The following CCSER1 variants were observed in gnomAD, a reference collection of about 807,000 sequenced individuals.
CCSER1 encodes the protein serine-rich coiled-coil domain-containing protein 1.
CCSER1 carries 41 observed loss-of-function variants against 82.0 expected under a neutral mutation model. The ratio of observed to expected loss-of-function variants is 0.50; its 90% CI spans 0.39 to 0.65. CCSER1 has a LOEUF of 0.65. CCSER1 is among the 30% of genes least tolerant of loss of function. The probability of loss-of-function intolerance (pLI) is 0.00; values close to 1 mark genes in which losing one functional copy is unlikely to be tolerated. For synonymous variants in CCSER1, 414 were observed against 383.9 expected (o/e 1.08, Z -0.92); for missense variants, 1,119 against 1,064.2 (o/e 1.05, Z -0.72).
At chr4:91,381,036 G>C (rs1750849261) in intron 10 of CCSER1, among the ~76,000 whole-genome samples, 1 of 152,098 alleles carries the variant, frequency 6.6e-6, no homozygotes, top group African/African-American at 2.4e-5. Flanking sequence ...GAAATTCTGA[G>C]TTGAAAATTC....
At chr4:90,724,726 C>G (rs1365535756) in intron 7 of CCSER1, 3 of 331,588 alleles carry the variant, frequency 9.0e-6, no homozygotes, top group African/African-American at 6.6e-5. Flanking sequence ...TACTTAAGTG[C>G]ACTGATTTCA....
chr4:90,533,917 A>G (rs1326676304), intron 5 of CCSER1, among the ~76,000 whole-genome samples: 1 of 152,240 alleles, frequency 6.6e-6, no homozygotes, highest in East Asian at 1.9e-4. Context: ...TCCAGATATC[A>G]TGTCAGGTGC....
At chr4:91,231,475 T>C (rs1738621374) in intron 10 of CCSER1, among the ~76,000 whole-genome samples, 1 of 151,778 alleles carries the variant, frequency 6.6e-6, no homozygotes, top group Non-Finnish European at 1.5e-5. Context: ...GGAATTAACA[T>C]GTTTGAGTAA....
intron 10 of CCSER1, among the ~76,000 whole-genome samples, chr4:91,476,903 CATA>C (rs1168903268): frequency 2.6e-5 from 4 of 151,508 alleles, no homozygotes; most frequent in Non-Finnish European, 4.4e-5. Context: ...TCAATTAATA[CATA>C]ATAAAATCAA....
chr4:91,165,439 G>C (rs564678925), intron 10 of CCSER1, among the ~76,000 whole-genome samples: 1 of 152,314 alleles, frequency 6.6e-6, no homozygotes, highest in Non-Finnish European at 1.5e-5. Context: ...ACACTGAGCT[G>C]GGTGAACTAC....
At chr4:91,010,280 G>C (rs1738902837) in intron 9 of CCSER1, among the ~76,000 whole-genome samples, 1 of 152,106 alleles carries the variant, frequency 6.6e-6, no homozygotes, top group African/African-American at 2.4e-5. Context: ...TCCACTGATA[G>C]TCTGATGGAG....
chr4:91,575,925 T>C (rs1440278717), intron 10 of CCSER1, among the ~76,000 whole-genome samples: 1 of 151,942 alleles, frequency 6.6e-6, no homozygotes, highest in African/African-American at 2.4e-5. Context: ...GTTCAGCCAT[T>C]ATGAAAAAAC....
intron 10 of CCSER1, among the ~76,000 whole-genome samples, chr4:91,539,761 C>A (rs956905807): frequency 3.3e-5 from 5 of 152,038 alleles, no homozygotes; most frequent in African/African-American, 1.2e-4. Flanking sequence ...CTATCACCAC[C>A]TACTTCTGTA....
chr4:90,325,727 T>C (rs1157819016), intron 3 of CCSER1: 3 of 386,400 alleles, frequency 7.8e-6, no homozygotes, highest in South Asian at 1.9e-5. Context: ...TTATTCATTT[T>C]AGACAATGAA....
intron 8 of CCSER1, among the ~76,000 whole-genome samples, chr4:90,869,287 C>G (rs1766129722): frequency 6.6e-6 from 1 of 151,896 alleles, no homozygotes; most frequent in African/African-American, 2.4e-5. Flanking sequence ...GACCAAAGTC[C>G]TAGAGAGTTT....
chr4:90,693,464 C>T (rs1485742730), intron 6 of CCSER1: 1 of 151,700 alleles, frequency 6.6e-6, no homozygotes, highest in Non-Finnish European at 1.5e-5. Flanking sequence ...TTTCATTCAG[C>T]AAAGGAAATT....
intron 5 of CCSER1, among the ~76,000 whole-genome samples, chr4:90,543,618 G>A (rs758726737): frequency 1.3e-5 from 2 of 152,142 alleles, no homozygotes; most frequent in Non-Finnish European, 2.9e-5. Flanking sequence ...TTGCAGCAGA[G>A]CTGAGGACCT....
intron 10 of CCSER1, among the ~76,000 whole-genome samples, chr4:91,280,592 A>G (rs932511197): frequency 6.6e-6 from 1 of 152,150 alleles, no homozygotes; most frequent in Non-Finnish European, 1.5e-5. Context: ...CAGTGATTAC[A>G]CTGTGGCTCT....
chr4:90,530,756 C>T (rs1774400970), intron 5 of CCSER1, among the ~76,000 whole-genome samples: 1 of 152,144 alleles, frequency 6.6e-6, no homozygotes, highest in Admixed American at 6.6e-5. Context: ...CAGATCTTAG[C>T]CAGCTTGGTC....
chr4:91,098,630 C>T (rs188188058), intron 10 of CCSER1, among the ~76,000 whole-genome samples: 20 of 152,088 alleles, frequency 1.3e-4, no homozygotes, highest in Admixed American at 3.3e-4. Context: ...CAAGCTCCGC[C>T]TCCCGGGTTC....
intron 10 of CCSER1, among the ~76,000 whole-genome samples, chr4:91,561,979 C>A (rs1158977669): frequency 6.6e-6 from 1 of 151,318 alleles, no homozygotes; most frequent in African/African-American, 2.4e-5. Flanking sequence ...TTTTATCTGA[C>A]CTCATAAGAG....
At chr4:91,197,105 A>G (rs888001111) in intron 10 of CCSER1, among the ~76,000 whole-genome samples, 1 of 152,186 alleles carries the variant, frequency 6.6e-6, no homozygotes, top group Non-Finnish European at 1.5e-5. Context: ...AAAGAACTAC[A>G]TTGCCAAGGG....
intron 8 of CCSER1, among the ~76,000 whole-genome samples, chr4:90,856,429 AC>A (rs1325238240): frequency 6.6e-6 from 1 of 152,130 alleles, no homozygotes; most frequent in Non-Finnish European, 1.5e-5. Context: ...TGATAGTTTC[AC>A]TTAAAGAATA....
chr4:90,483,130 C>T (rs1020577549), intron 5 of CCSER1, among the ~76,000 whole-genome samples: 4 of 152,080 alleles, frequency 2.6e-5, no homozygotes, highest in Non-Finnish European at 5.9e-5. Context: ...TATGTAATGG[C>T]CTTCTTTGTC....
Sources: gnomAD v4.1 joint callset for allele counts (sites outside exome capture counted in the v4.1 genomes callset) on GRCh38, gnomAD v4.1.1 for gene constraint, MANE v1.5 for transcripts, NCBI Gene and HGNC (gene_info 2026-07-23, HGNC 2026-07-21) for gene names.